The following TRAIP variants were observed in gnomAD, a reference collection of about 807,000 sequenced individuals.
The protein encoded by TRAIP is E3 ubiquitin-protein ligase TRAIP.
TRAIP carries 37 observed loss-of-function variants against 65.0 expected under a neutral mutation model. The observed-to-expected ratio is 0.57, with a 90% CI of 0.44 to 0.75. TRAIP has a LOEUF of 0.75. Ranked by LOEUF, TRAIP falls within the 30% of genes least tolerant of loss-of-function variation. The pLI, the probability that TRAIP is intolerant of heterozygous loss-of-function variation, is 0.00. For synonymous variants in TRAIP, 187 were observed against 219.1 expected (o/e 0.85, Z 1.29); for missense variants, 481 against 579.4 (o/e 0.83, Z 1.74).
chr3:49,829,497 G>C lies in TRAIP; in HGVS notation c.1248C>G (p.Gly416=). The C allele has an allele frequency of 6.2e-7, 1 of 1,614,180 alleles. No individual in the cohort carries two copies. The highest frequency in any genetic ancestry group is 8.5e-7 in the Non-Finnish European group (1 of 1,180,034). The change falls in exon 14 of 15, where the codon GGC becomes GGG. Residue 416 remains glycine (G), a synonymous_variant. Coordinates refer to ENST00000331456, the MANE Select transcript of TRAIP (RefSeq NM_005879.3). ...TTGTCCGGCCACCGAGCCCATCGAA[G>C]CCTGTCCTTACCTAGGGTGGAAGGA... ...SSCSKDVVRT[G]FDGLGGRTKF...
At chr3:49,850,230 G>A (rs1174742984) in intron 1 of TRAIP, among the ~76,000 whole-genome samples, 1 of 152,136 alleles carries the variant, frequency 6.6e-6, no homozygotes, top group African/African-American at 2.4e-5. Flanking sequence ...GCCAGGCCCA[G>A]TGGCTCACGT....
chr3:49,831,820 C>T, intron 11 of TRAIP, 96 bp downstream of exon 11: 2 of 1,358,000 alleles, frequency 1.5e-6, no homozygotes, highest in South Asian at 1.9e-5. Context: ...CCCTCACTGC[C>T]CCATCAGCCA....
At chr3:49,856,285 G>C in intron 1 of TRAIP, 71 bp downstream of exon 1, 1 of 1,365,096 alleles carries the variant, frequency 7.3e-7, no homozygotes, top group Non-Finnish European at 1.0e-6. Context: ...GGACCGCCTG[G>C]AGGCCCAACA....
intron 8 of TRAIP, among the ~76,000 whole-genome samples, chr3:49,840,744 A>G (rs2081832100): frequency 6.6e-6 from 1 of 152,212 alleles, no homozygotes; most frequent in Non-Finnish European, 1.5e-5. Flanking sequence ...CAGGAAGAGC[A>G]GAGGGGAGCA....
rs1209745149 is a variant in TRAIP at position 49,848,071 on chromosome 3, G to A, written c.156+72C>T. On this transcript the variant is annotated intron_variant, in intron 2 of 14. Transcript: ENST00000331456. ...AGGTCAGAGATATTGCAGTTTCAGAGCTCTTTTCACATTCCTGCTCTCTGC... is the reference window on the plus strand; with the variant it reads ...AGGTCAGAGATATTGCAGTTTCAGAACTCTTTTCACATTCCTGCTCTCTGC... The A allele has an allele frequency of 4.5e-6, 7 of 1,557,808 alleles. No homozygotes were observed. The South Asian group carries it at 5.6e-5, about 13-fold the overall frequency.
chr3:49,847,768 T>G (rs2081897932), intron 2 of TRAIP, among the ~76,000 whole-genome samples, 160 bp from the exon 3 acceptor site: 1 of 152,224 alleles, frequency 6.6e-6, no homozygotes, highest in Admixed American at 6.5e-5. Context: ...AAGACCTCTT[T>G]ACTCCTGCAG....
intron 10 of TRAIP, among the ~76,000 whole-genome samples, chr3:49,833,267 C>A (rs1194463656): frequency 6.6e-6 from 1 of 152,168 alleles, no homozygotes; most frequent in Non-Finnish European, 1.5e-5. Flanking sequence ...ATTTTACCCT[C>A]CAGGTGGCTC....
intron 10 of TRAIP, among the ~76,000 whole-genome samples, chr3:49,837,881 C>CT (rs79076193): frequency 0.014 from 1,868 of 137,522 alleles, 16 homozygotes; most frequent in Non-Finnish European, 0.022. Context: ...CACGCCCGGA[C>CT]TTTTTTTTTT....
chr3:49,836,777 T>C (rs2081791345), intron 10 of TRAIP, among the ~76,000 whole-genome samples: 1 of 151,770 alleles, frequency 6.6e-6, no homozygotes, highest in South Asian at 2.1e-4. Flanking sequence ...ATGAGAACAG[T>C]GAAAATTTAC....
At chr3:49,844,800 T>A (rs1437234589) in intron 3 of TRAIP, among the ~76,000 whole-genome samples, 1 of 152,170 alleles carries the variant, frequency 6.6e-6, no homozygotes, top group Non-Finnish European at 1.5e-5. Flanking sequence ...AGGAAAACAA[T>A]CTCAGGGGCA....
At chr3:49,855,645 T>A (rs541506413) in intron 1 of TRAIP, among the ~76,000 whole-genome samples, 2 of 152,286 alleles carry the variant, frequency 1.3e-5, no homozygotes, top group Non-Finnish European at 2.9e-5. Flanking sequence ...CCAGCAGCCA[T>A]CAGTGTCATG....
intron 10 of TRAIP, among the ~76,000 whole-genome samples, chr3:49,833,768 C>T (rs61557789): frequency 0.18 from 27,030 of 152,094 alleles, 2,752 homozygotes; most frequent in African/African-American, 0.26. Flanking sequence ...CATGAGCCAC[C>T]GCGCCCGGCC....
rs188678353 is a variant in TRAIP, at chr3:49,852,135, G to A, written c.99-3935C>T. On this transcript the variant is annotated intron_variant, in intron 1 of 14. Coordinates refer to ENST00000331456, the MANE Select transcript of TRAIP (RefSeq NM_005879.3). ...TGTAATCCCAGCACTTTGGGAGGCC[G>A]AGGCGGGCAGATCACGAGGTCAGGA... Among the ~76,000 whole-genome samples, 913 of 151,644 alleles carry A rather than the reference G, an allele frequency of 6.0e-3. 13 individuals are homozygous for A. The highest frequency in any genetic ancestry group is 0.021 in the African/African-American group (877 of 41,386).
At chr3:49,853,585 C>T (rs1270536626) in intron 1 of TRAIP, among the ~76,000 whole-genome samples, 1 of 152,144 alleles carries the variant, frequency 6.6e-6, no homozygotes, top group Non-Finnish European at 1.5e-5. Flanking sequence ...GTAGCTCACG[C>T]CTGTAATCCC....
At chr3:49,855,219 G>A (rs981532847) in intron 1 of TRAIP, among the ~76,000 whole-genome samples, 5 of 152,228 alleles carry the variant, frequency 3.3e-5, no homozygotes, top group Non-Finnish European at 7.3e-5. Flanking sequence ...AGAGGCCAAG[G>A]TGGGTGGATC....
intron 1 of TRAIP, among the ~76,000 whole-genome samples, chr3:49,852,441 T>C (rs1386696379): frequency 6.7e-6 from 1 of 149,856 alleles, no homozygotes; most frequent in Non-Finnish European, 1.5e-5. Context: ...GGCTGATAAT[T>C]TTCCAGAACT....
At chr3:49,833,264 C>T (rs2081751433) in intron 10 of TRAIP, among the ~76,000 whole-genome samples, 1 of 152,102 alleles carries the variant, frequency 6.6e-6, no homozygotes, top group South Asian at 2.1e-4. Context: ...TAAATTTTAC[C>T]CTCCAGGTGG....
intron 10 of TRAIP, among the ~76,000 whole-genome samples, chr3:49,838,042 T>G (rs534663013): frequency 1.3e-5 from 2 of 152,254 alleles, no homozygotes; most frequent in Admixed American, 1.3e-4. Context: ...GGCTAAGTTT[T>G]AAGTTTTTTG....
chr3:49,833,965 C>T (rs2081759083), intron 10 of TRAIP, among the ~76,000 whole-genome samples: 1 of 152,154 alleles, frequency 6.6e-6, no homozygotes, highest in African/African-American at 2.4e-5. Flanking sequence ...GACACTATCA[C>T]CCTTGGGACA....
Sources: allele counts gnomAD v4.1 joint callset (sites outside exome capture counted in the v4.1 genomes callset), GRCh38; gene constraint gnomAD v4.1.1; transcripts MANE v1.5; gene names NCBI Gene and HGNC (gene_info 2026-07-23, HGNC 2026-07-21).